The following PPM1B variants were observed in gnomAD, a reference collection of about 807,000 sequenced individuals.
PPM1B encodes the protein protein phosphatase 1B.
PPM1B carries 22 observed loss-of-function variants against 43.0 expected under a neutral mutation model. That is an observed-to-expected ratio of 0.51 (90% CI 0.37 to 0.73). PPM1B has a LOEUF of 0.73. Ranked by LOEUF, PPM1B falls within the 30% of genes least tolerant of loss-of-function variation. The probability of loss-of-function intolerance (pLI) is 0.00; values close to 1 mark genes in which losing one functional copy is unlikely to be tolerated. For missense variants in PPM1B, 632 were observed against 584.2 expected (o/e 1.08, Z -0.84); for synonymous variants, 217 against 197.9 (o/e 1.10, Z -0.81).
downstream of PPM1B, among the ~76,000 whole-genome samples, chr2:44,245,414 GCTT>G (rs754555832): frequency 6.6e-6 from 1 of 152,110 alleles, no homozygotes; most frequent in Non-Finnish European, 1.5e-5. Flanking sequence ...TTGCATCTCT[GCTT>G]CTTCTCCTCA....
rs933411697 is a variant in PPM1B at position 44,241,013 on chromosome 2, T to A, written n.1547-3215T>A. Among the ~76,000 whole-genome samples, 48 of 144,444 alleles carry A rather than the reference T, an allele frequency of 3.3e-4. 5 individuals are homozygous for A. The highest frequency in any genetic ancestry group is 4.8e-4 in the South Asian group (2 of 4,126). 94.8% of individuals were successfully genotyped at this position (144,444 alleles called of 152,430 possible). A position where few individuals can be genotyped will look rare whatever the true frequency, so the allele number is the denominator to read the frequency against. On this transcript the variant is annotated intron_variant and non_coding_transcript_variant, in intron 5 of 5. Transcript: ENST00000378540. ...GGAAGCATCTTTATTTTTATTTTTT[T>A]TTTTTTTGAGACGGAGTTTCACTCT...
At chr2:44,242,776 T>G (rs1487376861) in intron 5 of PPM1B, among the ~76,000 whole-genome samples, 1 of 119,594 alleles carries the variant, frequency 8.4e-6, no homozygotes. Context: ...CAGCATTTTT[T>G]CTTAACATTA....
At chr2:44,238,680 C>T (rs1004583759), downstream of PPM1B, among the ~76,000 whole-genome samples, 9 of 150,392 alleles carry the variant, frequency 6.0e-5, no homozygotes, top group Non-Finnish European at 1.0e-4. Context: ...CCAGCCTGGG[C>T]GACAGAGCGA....
chr2:44,237,648 C>G (rs1001906810), downstream of PPM1B, among the ~76,000 whole-genome samples: 1 of 152,010 alleles, frequency 6.6e-6, no homozygotes, highest in African/African-American at 2.4e-5. Context: ...ACTAGTAGAC[C>G]TAGTCTATAA....
intron 3 of PPM1B, among the ~76,000 whole-genome samples, chr2:44,211,996 C>T (rs964914373): frequency 3.3e-5 from 5 of 152,048 alleles, no homozygotes; most frequent in Non-Finnish European, 7.4e-5. Flanking sequence ...GTGATCCGCC[C>T]GCCTTGGCCT....
At chr2:44,228,722 G>A (rs1670335248) in intron 5 of PPM1B, among the ~76,000 whole-genome samples, 5 of 152,092 alleles carry the variant, frequency 3.3e-5, no homozygotes. Flanking sequence ...TGGAACAGCT[G>A]TATATTGTCT....
downstream of PPM1B, among the ~76,000 whole-genome samples, chr2:44,246,362 C>T (rs1043665596): frequency 4.6e-5 from 7 of 152,046 alleles, no homozygotes; most frequent in African/African-American, 1.4e-4. Flanking sequence ...ATTAAGTTTT[C>T]TTGGGTAAAA....
chr2:44,174,008 A>G (rs1022305016), intron 1 of PPM1B, among the ~76,000 whole-genome samples: 1 of 152,218 alleles, frequency 6.6e-6, no homozygotes, highest in East Asian at 1.9e-4. Context: ...AGCTTAATCA[A>G]TTGTAGTATT....
At chr2:44,213,399 A>C (rs1447679823) in intron 3 of PPM1B, among the ~76,000 whole-genome samples, 1 of 151,286 alleles carries the variant, frequency 6.6e-6, no homozygotes, top group Non-Finnish European at 1.5e-5. Context: ...TGATGGTATA[A>C]TAGTTCGTTG....
At chr2:44,203,538 A>C (rs1669035969) in intron 2 of PPM1B, among the ~76,000 whole-genome samples, 1 of 152,058 alleles carries the variant, frequency 6.6e-6, no homozygotes, top group Non-Finnish European at 1.5e-5. Flanking sequence ...ATAGAGAAAC[A>C]CCCAAAATTT....
intron 2 of PPM1B, among the ~76,000 whole-genome samples, chr2:44,202,354 C>T (rs556006408): frequency 2.2e-4 from 34 of 152,126 alleles, no homozygotes; most frequent in African/African-American, 7.5e-4. Flanking sequence ...CCATCTTATG[C>T]CTGATTATGA....
intron 1 of PPM1B, among the ~76,000 whole-genome samples, chr2:44,180,450 T>A (rs778964744): frequency 8.5e-5 from 13 of 152,158 alleles, no homozygotes; most frequent in Non-Finnish European, 1.9e-4. Context: ...GAAATAAAAT[T>A]GCTGGAAATC....
intron 2 of PPM1B, among the ~76,000 whole-genome samples, chr2:44,206,736 T>C (rs561687203): frequency 1.3e-5 from 2 of 152,158 alleles, no homozygotes; most frequent in African/African-American, 4.8e-5. Flanking sequence ...TTTTTTGTTG[T>C]TGTGTTTTAG....
At chr2:44,220,480 A>G (rs564668208) in intron 5 of PPM1B, among the ~76,000 whole-genome samples, 1 of 152,288 alleles carries the variant, frequency 6.6e-6, no homozygotes, top group South Asian at 2.1e-4. Flanking sequence ...CTTACCTTAA[A>G]TAGATTATTA....
intron 5 of PPM1B, among the ~76,000 whole-genome samples, chr2:44,223,805 G>A (rs1452982592): frequency 8.4e-6 from 1 of 118,378 alleles, no homozygotes; most frequent in Non-Finnish European, 1.7e-5. Flanking sequence ...AACAGAGTGG[G>A]ACTCTGTCTA....
chr2:44,202,406 G>T (rs990204452), intron 2 of PPM1B, among the ~76,000 whole-genome samples: 5 of 152,076 alleles, frequency 3.3e-5, no homozygotes, highest in Non-Finnish European at 5.9e-5. Flanking sequence ...TTCTGTACTA[G>T]ATATTACTAA....
rs539970297 is a variant in PPM1B, at chr2:44,205,460, CAA to C, written c.846+3417_846+3418del. ...CATTAAGACTAAATTTTTTTTGTAA[CAA>C]ATACAGAGATGTTTGAAGTAAAGTG... On this transcript the variant is annotated intron_variant, in intron 2 of 5. Coordinates refer to ENST00000282412, the MANE Select transcript of PPM1B (RefSeq NM_002706.6). Among the ~76,000 whole-genome samples, 312 of 146,032 alleles carry C rather than the reference CAA, an allele frequency of 2.1e-3. No individual in the cohort carries two copies. The Middle Eastern group carries it at 0.028, about 13-fold the overall frequency.
At chr2:44,241,778 AAC>A (rs1178895282) in intron 5 of PPM1B, among the ~76,000 whole-genome samples, 1 of 152,046 alleles carries the variant, frequency 6.6e-6, no homozygotes, top group Non-Finnish European at 1.5e-5. Context: ...TTTGGCATAT[AAC>A]ACAGAAATAA....
intron 5 of PPM1B, among the ~76,000 whole-genome samples, chr2:44,220,263 C>CATAT (rs146623821): frequency 0.15 from 21,310 of 146,768 alleles, 1,530 homozygotes; most frequent in East Asian, 0.18. Context: ...TTTAAAAATA[C>CATAT]ATATATATAT....
Sources: gnomAD v4.1 joint callset for allele counts (sites outside exome capture counted in the v4.1 genomes callset) on GRCh38, gnomAD v4.1.1 for gene constraint, MANE v1.5 for transcripts, NCBI Gene and HGNC (gene_info 2026-07-23, HGNC 2026-07-21) for gene names.